OSBPL10: variants seen among roughly 807,000 people sequenced by gnomAD.
OSBPL10 encodes oxysterol binding protein like 10.
In OSBPL10, 49 loss-of-function variants were observed where a neutral mutation model predicts 81.7. That is an observed-to-expected ratio of 0.60 (90% confidence interval 0.48 to 0.76). The LOEUF is 0.76. OSBPL10 is among the 30% of genes least tolerant of loss of function. The probability of loss-of-function intolerance (pLI) is 0.00; values close to 1 mark genes in which losing one functional copy is unlikely to be tolerated. For synonymous variants in OSBPL10, 419 were observed against 383.6 expected (o/e 1.09, Z -1.08); for missense variants, 923 against 987.8 (o/e 0.93, Z 0.88).
At chr3:31,834,619 C>T (rs1287922058) in intron 3 of OSBPL10, among the ~76,000 whole-genome samples, 2 of 152,194 alleles carry the variant, frequency 1.3e-5, no homozygotes, top group African/African-American at 4.8e-5. Context: ...CACACATATG[C>T]TTTGAATCTA....
intron 1 of OSBPL10, among the ~76,000 whole-genome samples, chr3:31,926,288 T>TCCCCCCCCCC (rs1034706033): frequency 1.1e-5 from 1 of 88,148 alleles, no homozygotes; most frequent in Non-Finnish European, 2.2e-5. Flanking sequence ...TGGGTGATTT[T>TCCCCCCCCCC]GCCCCCCCAG....
At chr3:31,726,529 C>T (rs3792543) in intron 6 of OSBPL10, among the ~76,000 whole-genome samples, 71,653 of 151,604 alleles carry the variant, frequency 0.47, 17,367 homozygotes, top group East Asian at 0.64. Context: ...TTGGCCAGGA[C>T]GGTCTCGATC....
intron 2 of OSBPL10, among the ~76,000 whole-genome samples, chr3:32,038,413 C>T (rs542196980): frequency 4.6e-5 from 7 of 152,174 alleles, no homozygotes; most frequent in Admixed American, 1.3e-4. Context: ...CTCCGGCTCC[C>T]GGGTTCAAGT....
chr3:31,903,209 C>T (rs1345891454), intron 1 of OSBPL10, among the ~76,000 whole-genome samples: 1 of 152,086 alleles, frequency 6.6e-6, no homozygotes, highest in Non-Finnish European at 1.5e-5. Context: ...AAAATTCATG[C>T]CTTCACCTCA....
At chr3:31,708,888 A>G (rs146056368) in intron 6 of OSBPL10, 7 of 985,468 alleles carry the variant, frequency 7.1e-6, no homozygotes, top group African/African-American at 1.7e-5. Context: ...CTGTGGACAC[A>G]TGCCTTCAGC....
At chr3:31,699,427 A>G (rs1322483859) in intron 7 of OSBPL10, among the ~76,000 whole-genome samples, 1 of 152,124 alleles carries the variant, frequency 6.6e-6, no homozygotes. Context: ...TAGGCTACCC[A>G]CAATTTGTGG....
chr3:31,929,455 A>G (rs1312703771), intron 1 of OSBPL10, among the ~76,000 whole-genome samples: 1 of 152,228 alleles, frequency 6.6e-6, no homozygotes, highest in Non-Finnish European at 1.5e-5. Flanking sequence ...GGTTACAAAA[A>G]GTAAAATATC....
Position 31,809,869 on chromosome 3 carries a change from C to CTTTTTTTTTTTTTTTTTTTTTT in OSBPL10, c.729+20170_729+20171insAAAAAAAAAAAAAAAAAAAAAA, listed in dbSNP as rs34795137. On this transcript the variant is annotated intron_variant, in intron 4 of 11. Coordinates refer to ENST00000396556, the MANE Select transcript of OSBPL10 (RefSeq NM_017784.5). Reference sequence around the variant, plus strand: ...AAATGTCAATGGGTGCCCCCTGACTCTTTTTTTTTTTTTTTTTTTGAGATG... The same window carrying CTTTTTTTTTTTTTTTTTTTTTT: ...AAATGTCAATGGGTGCCCCCTGACTCTTTTTTTTTTTTTTTTTTTTTTTTTTTTTTTTTTTTTTTTTGAGATG... Among the ~76,000 whole-genome samples, 49 of 98,612 alleles carry CTTTTTTTTTTTTTTTTTTTTTT rather than the reference C, an allele frequency of 5.0e-4. 5 individuals are homozygous for CTTTTTTTTTTTTTTTTTTTTTT. Among genetic ancestry groups the CTTTTTTTTTTTTTTTTTTTTTT allele is most frequent in the African/African-American group, 2.5e-3 (46 of 18,416 alleles). 64.7% of individuals were successfully genotyped at this position (98,612 alleles called of 152,430 possible). A position where few individuals can be genotyped will look rare whatever the true frequency, so the allele number is the denominator to read the frequency against.
intron 1 of OSBPL10, among the ~76,000 whole-genome samples, chr3:31,970,690 GTC>G (rs1698532652): frequency 6.6e-6 from 1 of 152,254 alleles, no homozygotes; most frequent in African/African-American, 2.4e-5. Context: ...TACGTAAAGT[GTC>G]TGATGCTTCG....
At chr3:32,008,918 T>G (rs2125537929) in intron 2 of OSBPL10, among the ~76,000 whole-genome samples, 1 of 152,360 alleles carries the variant, frequency 6.6e-6, no homozygotes, top group Non-Finnish European at 1.5e-5. Context: ...TTTACATACA[T>G]TATGCAAGTG....
intron 7 of OSBPL10, 24 bp from the exon 8 acceptor site, chr3:31,684,138 C>T: frequency 6.2e-7 from 1 of 1,607,270 alleles, no homozygotes. Context: ...GACACAAAGT[C>T]AGACAATCCC....
intron 6 of OSBPL10, among the ~76,000 whole-genome samples, chr3:31,706,931 C>T (rs1696086502): frequency 6.6e-6 from 1 of 152,176 alleles, no homozygotes; most frequent in Admixed American, 6.5e-5. Context: ...TTCCCCTCCT[C>T]AGACAGATGA....
intron 1 of OSBPL10, among the ~76,000 whole-genome samples, chr3:31,888,316 C>CA (rs1468733767): frequency 6.6e-6 from 1 of 152,046 alleles, no homozygotes; most frequent in African/African-American, 2.4e-5. Context: ...AAAATCAACT[C>CA]AAAATGAATG....
At chr3:32,048,328 T>TTTTTTTTA (rs1699642206) in intron 1 of OSBPL10, among the ~76,000 whole-genome samples, 5 of 104,320 alleles carry the variant, frequency 4.8e-5, no homozygotes, top group African/African-American at 1.3e-4. Context: ...TTTTTTTTTT[T>TTTTTTTTA]GAGACAGTTT....
chr3:32,075,460 A>T (rs6765021), intron 1 of OSBPL10, among the ~76,000 whole-genome samples: 104,583 of 152,032 alleles, frequency 0.69, 38,564 homozygotes, highest in East Asian at 0.89. Flanking sequence ...ATACCTTTTT[A>T]TCTCCTTCTT....
At chr3:31,797,680 TACAC>T (rs147708406) in intron 4 of OSBPL10, 2 of 397,638 alleles carry the variant, frequency 5.0e-6, no homozygotes, top group Non-Finnish European at 5.2e-6. Context: ...TACATTAAAA[TACAC>T]ACACAGTTTT....
intron 3 of OSBPL10, among the ~76,000 whole-genome samples, chr3:31,871,138 TAGA>T (rs993701314): frequency 3.3e-5 from 5 of 152,158 alleles, no homozygotes; most frequent in Non-Finnish European, 5.9e-5. Context: ...TTCTGCACTG[TAGA>T]AGGTTTGTTC....
chr3:31,678,048 T>C (rs1188004278), intron 8 of OSBPL10, among the ~76,000 whole-genome samples: 3 of 130,544 alleles, frequency 2.3e-5, no homozygotes, highest in Admixed American at 1.7e-4. Flanking sequence ...GCCACTGCAG[T>C]CCGCAGTCCG....
chr3:31,791,998 C>A (rs1287267391), intron 4 of OSBPL10, among the ~76,000 whole-genome samples: 1 of 152,142 alleles, frequency 6.6e-6, no homozygotes, highest in Non-Finnish European at 1.5e-5. Flanking sequence ...GTAGTCCCAA[C>A]ACTTTGGGAG....
Sources: allele counts gnomAD v4.1 joint callset (sites outside exome capture counted in the v4.1 genomes callset), GRCh38; gene constraint gnomAD v4.1.1; transcripts MANE v1.5; gene names NCBI Gene and HGNC (gene_info 2026-07-23, HGNC 2026-07-21).